The following GPBP1 variants were observed in gnomAD, a reference collection of about 807,000 sequenced individuals.
GPBP1 encodes vasculin.
A neutral mutation model predicts 56.5 loss-of-function variants in GPBP1; 13 were observed. The observed-to-expected ratio is 0.23, with a 90% CI of 0.15 to 0.37. The LOEUF (loss-of-function observed/expected upper bound fraction) is 0.37. Ranked by LOEUF, GPBP1 falls within the 10% of genes least tolerant of loss-of-function variation. GPBP1 has a pLI of 1.00. For synonymous variants in GPBP1, 204 were observed against 188.9 expected, an observed-to-expected ratio of 1.08 and a Z score of -0.66; for missense variants, 477 against 572.3, an observed-to-expected ratio of 0.83 and a Z score of 1.70.
chr5:57,209,365 A>G (rs1397784353), intron 2 of GPBP1, among the ~76,000 whole-genome samples: 2 of 152,158 alleles, frequency 1.3e-5, no homozygotes, highest in Admixed American at 6.6e-5. Context: ...CACAGGTGCC[A>G]TTATAGCACT....
At chr5:57,215,308 T>G (rs527509869) in intron 3 of GPBP1, among the ~76,000 whole-genome samples, 1 of 152,358 alleles carries the variant, frequency 6.6e-6, no homozygotes, top group South Asian at 2.1e-4. Flanking sequence ...AGTAAAATGA[T>G]TGAGGTGCAG....
chr5:57,183,765 A>ATTTTTTTTTTTTTTTT (rs34608817), intron 2 of GPBP1, among the ~76,000 whole-genome samples: 4 of 133,284 alleles, frequency 3.0e-5, no homozygotes, highest in African/African-American at 2.8e-5. Context: ...GGGGATATGA[A>ATTTTTTTTTTTTTTTT]TTTTTTTTTT....
At chr5:57,242,449 A>C (rs1457341153) in intron 6 of GPBP1, among the ~76,000 whole-genome samples, 1 of 152,184 alleles carries the variant, frequency 6.6e-6, no homozygotes, top group Non-Finnish European at 1.5e-5. Context: ...AATTCTGATA[A>C]ATCTGGTACA....
At chr5:57,230,728 G>A (rs1367093289) in intron 3 of GPBP1, 118 bp from the exon 4 acceptor site, 4 of 829,708 alleles carry the variant, frequency 4.8e-6, no homozygotes, top group Non-Finnish European at 7.9e-6. Context: ...GAAAATAACT[G>A]CAATATGTTT....
chr5:57,193,866 G>C (rs1754635999), intron 2 of GPBP1, among the ~76,000 whole-genome samples: 1 of 152,072 alleles, frequency 6.6e-6, no homozygotes, highest in South Asian at 2.1e-4. Flanking sequence ...AAATTGTTTT[G>C]AATTTATGCA....
rs369225836 is a variant in GPBP1 at position 57,213,656 on chromosome 5, T to C, written c.-57-418T>C. Among the ~76,000 whole-genome samples, 10 of 152,322 alleles carry C rather than the reference T, an allele frequency of 6.6e-5. No individual in the cohort carries two copies. In the East Asian group the frequency reaches 1.9e-3, roughly 29 times the overall value. ...ATTGGTAGTTAAATCAGATTTCAAA[T>C]TTTATTTTAGGTGGGCACAAGACTA... On this transcript the variant is annotated intron_variant, in intron 2 of 11. Transcript: ENST00000506184.
chr5:57,189,972 A>G (rs1432647323), intron 2 of GPBP1, among the ~76,000 whole-genome samples: 2 of 151,962 alleles, frequency 1.3e-5, no homozygotes, highest in Admixed American at 6.6e-5. Context: ...CAATACTTTG[A>G]TTTCTCTTAT....
chr5:57,248,544 C>T (rs749372117), intron 8 of GPBP1, among the ~76,000 whole-genome samples: 2 of 151,540 alleles, frequency 1.3e-5, no homozygotes, highest in Non-Finnish European at 2.9e-5. Context: ...TCTCCTGCCT[C>T]AGCCTCCCAA....
chr5:57,242,728 G>A (rs72761790), intron 6 of GPBP1, among the ~76,000 whole-genome samples: 43,945 of 152,008 alleles, frequency 0.29, 6,906 homozygotes, highest in East Asian at 0.71. Context: ...TTACAGGTTT[G>A]AGCCACCATG....
chr5:57,211,772 G>A lies in GPBP1; in HGVS notation c.-57-2302G>A, dbSNP rs190391674. 3.2e-3 allele frequency among the ~76,000 whole-genome samples: 484 copies of A among 151,494 alleles called. 4 individuals are homozygous for A. Among genetic ancestry groups the A allele is most frequent in the African/African-American group, 0.011 (463 of 41,286 alleles). On this transcript the variant is annotated intron_variant, in intron 2 of 11. Coordinates refer to ENST00000506184, the MANE Select transcript of GPBP1 (RefSeq NM_022913.4). ...CTAATTTTGTATTTTTAGTAGAGAC[G>A]AGGTTTCTCCTTGTTGGTCAAACTC...
intron 2 of GPBP1, among the ~76,000 whole-genome samples, chr5:57,186,971 A>G (rs939985824): frequency 1.3e-5 from 2 of 151,160 alleles, no homozygotes; most frequent in African/African-American, 2.4e-5. Context: ...GATGAAAATC[A>G]AATTATGTGT....
intron 2 of GPBP1, among the ~76,000 whole-genome samples, chr5:57,200,346 GTAAA>G (rs1362174101): frequency 2.1e-5 from 3 of 146,298 alleles, no homozygotes; most frequent in Non-Finnish European, 4.5e-5. Flanking sequence ...TGTGTCTTGA[GTAAA>G]TAAGTTTGAA....
intron 2 of GPBP1, among the ~76,000 whole-genome samples, chr5:57,187,922 A>G (rs1462006252): frequency 6.6e-6 from 1 of 151,682 alleles, no homozygotes; most frequent in African/African-American, 2.4e-5. Context: ...ATTTGTGTAT[A>G]TATAATATAT....
intron 6 of GPBP1, among the ~76,000 whole-genome samples, chr5:57,244,624 T>G (rs1457593606): frequency 1.3e-5 from 2 of 152,218 alleles, no homozygotes; most frequent in East Asian, 3.8e-4. Flanking sequence ...CAAGAATTTT[T>G]TTTATACTTC....
At chr5:57,221,178 T>TATTTA (rs2111802994) in intron 3 of GPBP1, among the ~76,000 whole-genome samples, 2 of 152,318 alleles carry the variant, frequency 1.3e-5, no homozygotes, top group South Asian at 4.1e-4. Flanking sequence ...ATAAATCTCT[T>TATTTA]ATTTAGGGCA....
Position 57,187,263 on chromosome 5 carries a change from T to G in GPBP1, c.-58+10863T>G, listed in dbSNP as rs570634488. 2.0e-5 allele frequency among the ~76,000 whole-genome samples: 3 copies of G among 152,316 alleles called. No homozygotes were observed. The South Asian group carries it at 6.2e-4, about 32-fold the overall frequency. ...GTATGTCAATCTTCTTTTAAGTGGC[T>G]TGAAATGTTAGATATCTAATTCATA... is the stretch of plus-strand genomic sequence containing the variant. On this transcript the variant is annotated intron_variant, in intron 2 of 11. Coordinates refer to ENST00000506184, the MANE Select transcript of GPBP1 (RefSeq NM_022913.4).
chr5:57,209,193 A>AT (rs561361748), intron 2 of GPBP1, among the ~76,000 whole-genome samples: 1,680 of 152,276 alleles, frequency 0.011, 19 homozygotes, highest in Non-Finnish European at 0.018. Context: ...CCTGAATTTA[A>AT]TTAGCTCTAA....
chr5:57,174,733 G>C (rs1753721506), intron 1 of GPBP1, among the ~76,000 whole-genome samples: 1 of 152,186 alleles, frequency 6.6e-6, no homozygotes, highest in South Asian at 2.1e-4. Context: ...GGGGTCTGAG[G>C]GGACATGTGC....
At chr5:57,210,934 C>T (rs963452051) in intron 2 of GPBP1, among the ~76,000 whole-genome samples, 1 of 152,078 alleles carries the variant, frequency 6.6e-6, no homozygotes, top group African/African-American at 2.4e-5. Flanking sequence ...TCTTTAAAGA[C>T]CTTATCTTCA....
Sources: allele counts gnomAD v4.1 joint callset (sites outside exome capture counted in the v4.1 genomes callset), GRCh38; gene constraint gnomAD v4.1.1; transcripts MANE v1.5; gene names NCBI Gene and HGNC (gene_info 2026-07-23, HGNC 2026-07-21).